Variants in QKI observed in about 807,000 individuals in gnomAD.
QKI encodes the protein QKI, KH domain containing RNA binding.
A neutral mutation model predicts 39.0 loss-of-function variants in QKI; 10 were observed. That is an observed-to-expected ratio of 0.26 (90% confidence interval 0.16 to 0.43). QKI has a LOEUF of 0.43. Ranked by LOEUF, QKI falls within the 20% of genes least tolerant of loss-of-function variation. The pLI, the probability that QKI is intolerant of heterozygous loss-of-function variation, is 1.00. For missense variants in QKI, 218 were observed against 428.0 expected, an observed-to-expected ratio of 0.51 and a Z score of 4.33; for synonymous variants, 204 against 155.4, an observed-to-expected ratio of 1.31 and a Z score of -2.33.
chr6:163,556,725 A>T (rs1184732491), intron 4 of QKI, among the ~76,000 whole-genome samples: 1 of 152,128 alleles, frequency 6.6e-6, no homozygotes, highest in Non-Finnish European at 1.5e-5. Context: ...TTATGGGCGT[A>T]TCCCCCAGAC....
At chr6:163,545,847 A>G (rs1052619440) in intron 4 of QKI, among the ~76,000 whole-genome samples, 1 of 151,738 alleles carries the variant, frequency 6.6e-6, no homozygotes, top group South Asian at 2.1e-4. Context: ...TATTAAATTA[A>G]ATATTTATAC....
At chr6:163,547,973 T>G (rs1781993838) in intron 4 of QKI, among the ~76,000 whole-genome samples, 2 of 152,184 alleles carry the variant, frequency 1.3e-5, no homozygotes, top group East Asian at 3.8e-4. Flanking sequence ...TGTGCCTACT[T>G]TTCCAACTTT....
rs1352527893 is a variant in QKI, at chr6:163,478,723, G to T, written c.286-57G>T. On this transcript the variant is annotated intron_variant, in intron 2 of 7. Transcript: ENST00000361752. ...AATGTAGATATACTTTATATTTTAA[G>T]AGCTGTAAGTTCCAGCAAGTGAATA... 4.5e-6 allele frequency: 5 copies of T among 1,102,894 alleles called. No individual in the cohort carries two copies. In the African/African-American group the frequency reaches 4.8e-5, roughly 11 times the overall value. The allele number at this position is 1,102,894 out of a possible 1,614,324, so 68.3% of individuals were successfully genotyped here.
chr6:163,564,982 G>A (rs1207956578), intron 6 of QKI: 4 of 1,265,454 alleles, frequency 3.2e-6, no homozygotes, highest in Admixed American at 3.6e-5. Flanking sequence ...TCGAAAATTC[G>A]TTGTTCAAGT....
chr6:163,447,395 A>G (rs1297739095), intron 1 of QKI, among the ~76,000 whole-genome samples: 4 of 152,102 alleles, frequency 2.6e-5, no homozygotes, highest in Non-Finnish European at 5.9e-5. Context: ...TGAAATATAC[A>G]ATGTATTAGT....
chr6:163,519,761 A>G (rs892998682), intron 3 of QKI, among the ~76,000 whole-genome samples: 3 of 152,112 alleles, frequency 2.0e-5, no homozygotes, highest in South Asian at 2.1e-4. Context: ...ATTAACCACA[A>G]TAATTATTAA....
At chr6:163,528,794 TATAA>T (rs1376103530) in intron 3 of QKI, among the ~76,000 whole-genome samples, 1 of 152,208 alleles carries the variant, frequency 6.6e-6, no homozygotes, top group Non-Finnish European at 1.5e-5. Flanking sequence ...GAATTTGCTG[TATAA>T]ATAGAGCTAT....
chr6:163,419,396 C>T (rs764950093), intron 1 of QKI, among the ~76,000 whole-genome samples: 10 of 151,824 alleles, frequency 6.6e-5, no homozygotes, highest in African/African-American at 2.4e-4. Flanking sequence ...ATACAGATTT[C>T]TTACAAAAAG....
intron 1 of QKI, among the ~76,000 whole-genome samples, chr6:163,448,304 G>A (rs1036508194): frequency 1.3e-5 from 2 of 150,574 alleles, no homozygotes; most frequent in African/African-American, 4.9e-5. Context: ...CTTGGAATAA[G>A]GTTCCATCTA....
chr6:163,530,144 AT>A (rs1017749324), intron 3 of QKI, among the ~76,000 whole-genome samples: 2 of 152,178 alleles, frequency 1.3e-5, no homozygotes, highest in African/African-American at 4.8e-5. Context: ...GTCATGAGCT[AT>A]TTTTTTCCAC....
rs1407533219 is a variant in QKI, at chr6:163,415,084, CG to C, written c.-107del. On this transcript the variant is annotated 5_prime_UTR_variant, in exon 1 of 8. Transcript: ENST00000361752. ...AGCCAGAGCGGGAGCCGGCGCGGAG[CG>C]GGACGCCGGGTCCCGAGCGGCCCGC... 3.3e-5 allele frequency: 32 copies of C among 974,598 alleles called. No homozygotes were observed. The highest frequency in any genetic ancestry group is 3.8e-5 in the Non-Finnish European group (31 of 818,132). 60.4% of individuals were successfully genotyped at this position (974,598 alleles called of 1,614,324 possible). A position where few individuals can be genotyped will look rare whatever the true frequency, so the allele number is the denominator to read the frequency against.
rs536894566 is a variant in QKI, at chr6:163,479,007, C to T, written c.402+111C>T. 7.2e-5 allele frequency: 64 copies of T among 891,404 alleles called. 1 individual carries two copies. The South Asian group carries it at 7.7e-4, about 11-fold the overall frequency. The allele number at this position is 891,404 out of a possible 1,614,324, so 55.2% of individuals were successfully genotyped here. On this transcript the variant is annotated intron_variant, in intron 3 of 7. Transcript: ENST00000361752. ...GTGCTTAAAACACTATATTCCAGGC[C>T]GGGCGCGGTGGCTCACGCCTGTAAT...
intron 1 of QKI, among the ~76,000 whole-genome samples, chr6:163,417,205 T>G (rs902797020): frequency 6.6e-6 from 1 of 151,284 alleles, no homozygotes; most frequent in Non-Finnish European, 1.5e-5. Context: ...TTGGCATATT[T>G]TGGTTAAGTT....
chr6:163,421,678 G>A (rs969456276), intron 1 of QKI, among the ~76,000 whole-genome samples: 1 of 152,124 alleles, frequency 6.6e-6, no homozygotes, highest in East Asian at 1.9e-4. Flanking sequence ...ATTTTAAACA[G>A]TGCCATTACT....
Position 163,415,486 on chromosome 6 carries a change from G to T in QKI, c.142+151G>T, listed in dbSNP as rs1489831813. On this transcript the variant is annotated intron_variant, in intron 1 of 7. Transcript: ENST00000361752. ...GGCCAGGAGGGCGCACAAAGGAGGT[G>T]CCGGGCCGGGCTTGCGGCGGGCGGG... 7.6e-6 allele frequency: 5 copies of T among 656,562 alleles called. No individual in the cohort carries two copies. The South Asian group carries it at 2.4e-4, about 32-fold the overall frequency. 40.7% of individuals were successfully genotyped at this position (656,562 alleles called of 1,614,324 possible). A position where few individuals can be genotyped will look rare whatever the true frequency, so the allele number is the denominator to read the frequency against.
chr6:163,485,277 C>T (rs910698512), intron 3 of QKI, among the ~76,000 whole-genome samples: 2 of 152,130 alleles, frequency 1.3e-5, no homozygotes, highest in African/African-American at 4.8e-5. Context: ...TGGTGTTTCA[C>T]TTGAGGTTGC....
At chr6:163,519,193 T>C (rs2128237140) in intron 3 of QKI, among the ~76,000 whole-genome samples, 1 of 152,292 alleles carries the variant, frequency 6.6e-6, no homozygotes, top group South Asian at 2.1e-4. Flanking sequence ...CACCTGAGTA[T>C]GAAGGTTATT....
intron 3 of QKI, among the ~76,000 whole-genome samples, chr6:163,495,544 C>CT (rs1317520257): frequency 6.6e-6 from 1 of 152,144 alleles, no homozygotes; most frequent in Non-Finnish European, 1.5e-5. Context: ...TACATAGTTA[C>CT]TTTATCAAAT....
intron 1 of QKI, among the ~76,000 whole-genome samples, chr6:163,425,021 G>T (rs1788304505): frequency 6.6e-6 from 1 of 152,144 alleles, no homozygotes; most frequent in South Asian, 2.1e-4. Flanking sequence ...AATGAGAAAA[G>T]AAAAAGAAAG....
Sources: gnomAD v4.1 joint callset for allele counts (sites outside exome capture counted in the v4.1 genomes callset) on GRCh38, gnomAD v4.1.1 for gene constraint, MANE v1.5 for transcripts, NCBI Gene and HGNC (gene_info 2026-07-23, HGNC 2026-07-21) for gene names.